Variants in CDK6 observed in about 807,000 individuals in gnomAD.
CDK6 encodes the protein cyclin-dependent kinase 6.
CDK6 carries 6 observed loss-of-function variants against 37.1 expected under a neutral mutation model. The ratio of observed to expected loss-of-function variants is 0.16; its 90% CI spans 0.09 to 0.32. The LOEUF is 0.32. Ranked by LOEUF, CDK6 falls within the 10% of genes least tolerant of loss-of-function variation. CDK6 has a pLI of 1.00. For missense variants in CDK6, 224 were observed against 418.9 expected (o/e 0.53, Z 4.06); for synonymous variants, 160 against 161.3 (o/e 0.99, Z 0.06).
At chr7:92,746,054 T>C (rs1365706475) in intron 3 of CDK6, among the ~76,000 whole-genome samples, 6 of 152,158 alleles carry the variant, frequency 3.9e-5, no homozygotes. Context: ...AAAAATGGCT[T>C]TCCCCCAACT....
intron 4 of CDK6, among the ~76,000 whole-genome samples, chr7:92,679,375 C>T (rs1050354488): frequency 2.7e-4 from 41 of 152,134 alleles, no homozygotes; most frequent in African/African-American, 9.2e-4. Flanking sequence ...GACCCAACAA[C>T]GTTATCGTTA....
Position 92,688,074 on chromosome 7 carries a change from T to C in CDK6, c.538-16539A>G, listed in dbSNP as rs73710433. Among the ~76,000 whole-genome samples, 1,439 of 152,304 alleles carry C rather than the reference T, an allele frequency of 9.4e-3. 21 individuals carry two copies. Among genetic ancestry groups the C allele is most frequent in the African/African-American group, 0.029 (1,197 of 41,572 alleles). On this transcript the variant is annotated intron_variant, in intron 4 of 7. Coordinates refer to ENST00000424848, the MANE Select transcript of CDK6 (RefSeq NM_001145306.2). ...GTTTTTGGATATAGTAAAATAAACA[T>C]TCTGCTTTGAACATTTTTGTACATG...
At position 92,607,448 on chromosome 7, in the gene CDK6, C is replaced by T. The variant is rs182635676; in HGVS notation, c.*7692G>A. ...AACTACAAAGTCCTTTACTTTAATT[C>T]CTTTACATAATGATAAAACACCTAG... On this transcript the variant is annotated 3_prime_UTR_variant, in exon 8 of 8. Transcript: ENST00000424848. 127 of 232,814 alleles carry T rather than the reference C, an allele frequency of 5.5e-4. No individual in the cohort carries two copies. The highest frequency in any genetic ancestry group is 2.5e-3 in the African/African-American group (114 of 45,438). 14.4% of individuals were successfully genotyped at this position (232,814 alleles called of 1,614,324 possible).
At chr7:92,676,211 T>C (rs950588815) in intron 4 of CDK6, among the ~76,000 whole-genome samples, 8 of 152,154 alleles carry the variant, frequency 5.3e-5, no homozygotes, top group Admixed American at 5.2e-4. Context: ...AGATAAACTT[T>C]TCTCATTTTT....
intron 2 of CDK6, among the ~76,000 whole-genome samples, chr7:92,781,277 C>A (rs1799985291): frequency 6.6e-6 from 1 of 152,238 alleles, no homozygotes; most frequent in Non-Finnish European, 1.5e-5. Flanking sequence ...TCCTGACCCG[C>A]CAGCTGCAGG....
intron 5 of CDK6, among the ~76,000 whole-genome samples, chr7:92,645,099 C>T (rs1020084620): frequency 6.6e-6 from 1 of 152,228 alleles, no homozygotes; most frequent in African/African-American, 2.4e-5. Context: ...GTACACACCC[C>T]AGGTGCGAAT....
At chr7:92,716,794 G>A (rs1423685648) in intron 4 of CDK6, among the ~76,000 whole-genome samples, 2 of 152,136 alleles carry the variant, frequency 1.3e-5, no homozygotes, top group African/African-American at 4.8e-5. Context: ...GTTGAGTTAA[G>A]CAAATTTAGG....
chr7:92,725,425 A>G (rs1406535790), intron 4 of CDK6: 9 of 742,904 alleles, frequency 1.2e-5, no homozygotes, highest in Non-Finnish European at 1.5e-5. Context: ...GATCCTGTCC[A>G]CAACAAGCCC....
intron 3 of CDK6, among the ~76,000 whole-genome samples, chr7:92,752,018 T>C (rs1285707525): frequency 2.6e-5 from 4 of 152,200 alleles, no homozygotes; most frequent in Non-Finnish European, 5.9e-5. Context: ...GTGACTTAGA[T>C]GAAATGAAAA....
chr7:92,792,809 T>A (rs1326171586), intron 2 of CDK6, among the ~76,000 whole-genome samples: 1 of 152,030 alleles, frequency 6.6e-6, no homozygotes, highest in Non-Finnish European at 1.5e-5. Context: ...AATAAACAAC[T>A]GTAAACATAT....
chr7:92,624,503 T>TG (rs1173424898), intron 5 of CDK6, among the ~76,000 whole-genome samples: 1 of 152,158 alleles, frequency 6.6e-6, no homozygotes, highest in Non-Finnish European at 1.5e-5. Flanking sequence ...ACCTTCATCT[T>TG]GGACTTCCAG....
intron 5 of CDK6, among the ~76,000 whole-genome samples, chr7:92,646,401 TTC>T (rs1796451235): frequency 6.6e-6 from 1 of 151,376 alleles, no homozygotes; most frequent in South Asian, 2.1e-4. Flanking sequence ...CTTTTTCTTT[TTC>T]TTTTTTTTTT....
intron 5 of CDK6, among the ~76,000 whole-genome samples, chr7:92,636,620 T>C (rs886731925): frequency 6.6e-6 from 1 of 152,130 alleles, no homozygotes; most frequent in Non-Finnish European, 1.5e-5. Flanking sequence ...TGTACAGGAA[T>C]AAATAATTAC....
intron 3 of CDK6, among the ~76,000 whole-genome samples, chr7:92,768,547 T>C (rs1009417243): frequency 1.3e-5 from 2 of 152,184 alleles, no homozygotes; most frequent in Non-Finnish European, 2.9e-5. Flanking sequence ...CCAGGAGAGA[T>C]GTGTGTGTGT....
chr7:92,831,990 A>G (rs923990704), intron 2 of CDK6, among the ~76,000 whole-genome samples: 7 of 152,240 alleles, frequency 4.6e-5, no homozygotes, highest in African/African-American at 1.7e-4. Flanking sequence ...TTTCATCCTC[A>G]GCGCACACAG....
rs1408007481 is a variant in CDK6, at chr7:92,760,172, G to A, written c.369+14524C>T. Among the ~76,000 whole-genome samples the A allele has an allele frequency of 3.3e-5, 5 of 152,236 alleles. No homozygotes were observed. In the East Asian group the frequency reaches 9.6e-4, roughly 29 times the overall value. On this transcript the variant is annotated intron_variant, in intron 3 of 7. Transcript: ENST00000424848. The stretch of plus-strand genomic sequence containing the variant: ...TAAAAATTTACTCTCATCAGCAATT[G>A]CTTCCATTTACAATCAAGTGAAATT...
intron 4 of CDK6, among the ~76,000 whole-genome samples, chr7:92,680,291 G>C (rs1012261265): frequency 6.6e-6 from 1 of 150,932 alleles, no homozygotes; most frequent in African/African-American, 2.4e-5. Context: ...AATTAGTCGG[G>C]CATGGTGGTG....
intron 2 of CDK6, among the ~76,000 whole-genome samples, chr7:92,827,182 T>A (rs1206645740): frequency 2.0e-5 from 3 of 152,076 alleles, no homozygotes; most frequent in Non-Finnish European, 4.4e-5. Context: ...ATAAAACAGA[T>A]CAAAGGGGGT....
At chr7:92,708,429 T>C (rs965930401) in intron 4 of CDK6, among the ~76,000 whole-genome samples, 3 of 152,222 alleles carry the variant, frequency 2.0e-5, no homozygotes, top group Non-Finnish European at 2.9e-5. Flanking sequence ...TGGTATTTTG[T>C]GGCTGTTTAC....
Sources: allele counts gnomAD v4.1 joint callset (sites outside exome capture counted in the v4.1 genomes callset), GRCh38; gene constraint gnomAD v4.1.1; transcripts MANE v1.5; gene names NCBI Gene and HGNC (gene_info 2026-07-23, HGNC 2026-07-21).